The following USP12 variants were observed in gnomAD, a reference collection of about 807,000 sequenced individuals.
USP12 encodes ubiquitin specific peptidase 12, also known as ubiquitin carboxyl-terminal hydrolase 12.
Under a neutral mutation model 45.5 loss-of-function variants are expected in USP12, and 19 were observed. That is an observed-to-expected ratio of 0.42 (90% confidence interval 0.29 to 0.61). The LOEUF is 0.61. Among genes scored for constraint, USP12 ranks in the 20% least tolerant of loss-of-function variants. The probability of loss-of-function intolerance (pLI) is 0.22; values close to 1 mark genes in which losing one functional copy is unlikely to be tolerated. For synonymous variants in USP12, 149 were observed against 148.8 expected, an observed-to-expected ratio of 1.00 and a Z score of -0.01; for missense variants, 242 against 447.7, an observed-to-expected ratio of 0.54 and a Z score of 4.15.
intron 3 of USP12, among the ~76,000 whole-genome samples, chr13:27,102,009 TTTAATGAA>T (rs755989167): frequency 5.8e-4 from 44 of 75,846 alleles, no homozygotes; most frequent in South Asian, 2.1e-3. Flanking sequence ...TTTCCCATTT[TTTAATGAA>T]TGAATGAATG....
intron 1 of USP12, among the ~76,000 whole-genome samples, chr13:27,158,744 T>C (rs1410334645): frequency 6.6e-6 from 1 of 152,124 alleles, no homozygotes; most frequent in Middle Eastern, 3.4e-3. Context: ...AGGAAACTAA[T>C]AAAATTATTG....
intron 1 of USP12, chr13:27,170,360 C>G (rs1002487796): frequency 2.5e-6 from 1 of 398,414 alleles, no homozygotes; most frequent in African/African-American, 2.1e-5. Flanking sequence ...ATGTACCACC[C>G]TTAGATGGAA....
At chr13:27,099,618 T>C (rs1029133638) in intron 3 of USP12, among the ~76,000 whole-genome samples, 5 of 152,226 alleles carry the variant, frequency 3.3e-5, no homozygotes, top group African/African-American at 7.2e-5. Context: ...GTTTAATTTA[T>C]AGACCCTGAA....
chr13:27,099,251 T>C (rs1874743560), intron 3 of USP12, among the ~76,000 whole-genome samples: 1 of 152,146 alleles, frequency 6.6e-6, no homozygotes, highest in African/African-American at 2.4e-5. Context: ...GAAATGTTAT[T>C]GTAAGAATGT....
At chr13:27,078,490 T>C (rs181156856) in intron 6 of USP12, among the ~76,000 whole-genome samples, 4 of 152,148 alleles carry the variant, frequency 2.6e-5, no homozygotes, top group Admixed American at 2.0e-4. Context: ...CCATGTTGTA[T>C]TCTAACATAA....
intron 6 of USP12, among the ~76,000 whole-genome samples, chr13:27,083,032 A>C (rs952031868): frequency 6.6e-6 from 1 of 152,094 alleles, no homozygotes; most frequent in African/African-American, 2.4e-5. Flanking sequence ...ATGGGGTTTC[A>C]CCATGTTGGT....
chr13:27,166,779 T>C (rs1050918726), intron 1 of USP12, among the ~76,000 whole-genome samples: 1 of 152,208 alleles, frequency 6.6e-6, no homozygotes, highest in African/African-American at 2.4e-5. Flanking sequence ...CCACCTCTTA[T>C]AAAATTCCAT....
chr13:27,080,299 T>C (rs977971981), intron 6 of USP12, among the ~76,000 whole-genome samples: 5 of 152,186 alleles, frequency 3.3e-5, no homozygotes, highest in African/African-American at 1.2e-4. Context: ...CTGATATGAT[T>C]TTGACATGAT....
At chr13:27,144,419 CAGG>C (rs1475526835) in intron 1 of USP12, among the ~76,000 whole-genome samples, 1 of 150,180 alleles carries the variant, frequency 6.7e-6, no homozygotes, top group East Asian at 2.0e-4. Context: ...CGCTTGAGCC[CAGG>C]AGGTCAAGAC....
intron 6 of USP12, among the ~76,000 whole-genome samples, chr13:27,083,926 G>A (rs1056286883): frequency 1.4e-4 from 21 of 151,014 alleles, no homozygotes; most frequent in African/African-American, 4.4e-4. Flanking sequence ...GTGCAATGGC[G>A]CAATCTCGGC....
intron 3 of USP12, among the ~76,000 whole-genome samples, chr13:27,102,554 C>A (rs1211503357): frequency 6.6e-6 from 1 of 152,162 alleles, no homozygotes; most frequent in Non-Finnish European, 1.5e-5. Context: ...ATTTTCTTTC[C>A]ATCCTTCAAG....
At chr13:27,159,462 TC>T (rs754756052) in intron 1 of USP12, among the ~76,000 whole-genome samples, 22 of 152,204 alleles carry the variant, frequency 1.4e-4, no homozygotes, top group Non-Finnish European at 3.1e-4. Flanking sequence ...AAGTGTTCTA[TC>T]ATTAAATTTC....
At chr13:27,167,148 G>A (rs887382448) in intron 1 of USP12, among the ~76,000 whole-genome samples, 1 of 152,248 alleles carries the variant, frequency 6.6e-6, no homozygotes, top group Non-Finnish European at 1.5e-5. Flanking sequence ...TGTAATCCCA[G>A]CTACTCGGGA....
chr13:27,164,850 C>G (rs1431757243), intron 1 of USP12, among the ~76,000 whole-genome samples: 2 of 152,026 alleles, frequency 1.3e-5, no homozygotes. Context: ...AGGTTTTAGA[C>G]AAGATATCTA....
chr13:27,114,630 T>G (rs1875624868), intron 2 of USP12, among the ~76,000 whole-genome samples: 1 of 152,196 alleles, frequency 6.6e-6, no homozygotes. Context: ...AGCCATTATC[T>G]GTGACAATAT....
In USP12 at chr13:27,075,178, G is replaced by A; in HGVS notation, c.932+13C>T. On this transcript the variant is annotated intron_variant, in intron 7 of 8. Coordinates refer to ENST00000282344, the MANE Select transcript of USP12 (RefSeq NM_182488.4). ...TAGGAATTCCACTACTATGTCCCCG[G>A]AGTTGCAATTACCTTCCACAGTGAA... 1.2e-6 allele frequency: 2 copies of A among 1,613,590 alleles called. No homozygotes were observed. The highest frequency in any genetic ancestry group is 4.5e-5 in the East Asian group (2 of 44,866).
intron 1 of USP12, among the ~76,000 whole-genome samples, chr13:27,133,770 T>C (rs1876644310): frequency 6.6e-6 from 1 of 152,172 alleles, no homozygotes. Context: ...TTTTCTTAAA[T>C]ACTACATATA....
At chr13:27,098,682 G>C (rs952304362) in intron 3 of USP12, among the ~76,000 whole-genome samples, 1 of 152,256 alleles carries the variant, frequency 6.6e-6, no homozygotes, top group African/African-American at 2.4e-5. Flanking sequence ...AGTTCTCCCA[G>C]GTATCGATGC....
At chr13:27,153,027 C>A (rs1877654119) in intron 1 of USP12, among the ~76,000 whole-genome samples, 1 of 150,988 alleles carries the variant, frequency 6.6e-6, no homozygotes, top group African/African-American at 2.4e-5. Context: ...TGTTTACATT[C>A]AACATTTAAA....
Sources: gnomAD v4.1 joint callset for allele counts (sites outside exome capture counted in the v4.1 genomes callset) on GRCh38, gnomAD v4.1.1 for gene constraint, MANE v1.5 for transcripts, NCBI Gene and HGNC (gene_info 2026-07-23, HGNC 2026-07-21) for gene names.